CTNND2: variants seen among roughly 807,000 people sequenced by gnomAD.
CTNND2 encodes the protein catenin delta-2.
In CTNND2, 22 loss-of-function variants were observed where a neutral mutation model predicts 144.4. The observed-to-expected ratio is 0.15, with a 90% CI of 0.11 to 0.22. CTNND2 has a LOEUF of 0.22. Among genes scored for constraint, CTNND2 ranks in the 10% least tolerant of loss-of-function variants. The pLI is 1.00. For synonymous variants in CTNND2, 751 were observed against 695.6 expected (o/e 1.08, Z -1.25); for missense variants, 1,353 against 1,618.8 (o/e 0.84, Z 2.82).
At chr5:11,544,197 C>T (rs548661703) in intron 3 of CTNND2, among the ~76,000 whole-genome samples, 2 of 149,650 alleles carry the variant, frequency 1.3e-5, no homozygotes, top group Non-Finnish European at 3.0e-5. Flanking sequence ...TTTTTTGAGA[C>T]GGAGTCTCCC....
intron 1 of CTNND2, among the ~76,000 whole-genome samples, chr5:11,793,645 T>C (rs928168889): frequency 1.3e-5 from 2 of 152,124 alleles, no homozygotes; most frequent in African/African-American, 4.8e-5. Flanking sequence ...AGGCCTGGAA[T>C]AGACCCTTCC....
chr5:11,756,558 TC>T (rs1402864184), intron 1 of CTNND2, among the ~76,000 whole-genome samples: 3 of 151,620 alleles, frequency 2.0e-5, no homozygotes, highest in Non-Finnish European at 4.4e-5. Context: ...CTGCTAGTTT[TC>T]CCCTATCCAT....
chr5:11,860,588 T>C (rs1049394376), intron 1 of CTNND2, among the ~76,000 whole-genome samples: 2 of 152,240 alleles, frequency 1.3e-5, no homozygotes, highest in African/African-American at 4.8e-5. Context: ...ATGCCTTTAC[T>C]GCTTATAAAA....
chr5:11,482,866 T>G (rs1581300278), intron 3 of CTNND2, among the ~76,000 whole-genome samples: 1 of 146,602 alleles, frequency 6.8e-6, no homozygotes, highest in Admixed American at 6.8e-5. Context: ...AAGCAGGGAG[T>G]GAGGGGAGAG....
At chr5:11,586,273 G>A (rs1265697338) in intron 2 of CTNND2, among the ~76,000 whole-genome samples, 1 of 152,138 alleles carries the variant, frequency 6.6e-6, no homozygotes, top group Non-Finnish European at 1.5e-5. Context: ...CACCAGCACA[G>A]CAATTACTTT....
chr5:11,330,912 G>A (rs1191608728), intron 9 of CTNND2, among the ~76,000 whole-genome samples: 1 of 152,048 alleles, frequency 6.6e-6, no homozygotes, highest in Non-Finnish European at 1.5e-5. Flanking sequence ...TGAGTTCCTA[G>A]AGGCCCATTT....
At chr5:11,747,616 T>C (rs1304859708) in intron 1 of CTNND2, among the ~76,000 whole-genome samples, 1 of 152,170 alleles carries the variant, frequency 6.6e-6, no homozygotes, top group Non-Finnish European at 1.5e-5. Flanking sequence ...CAATCTGTCT[T>C]CCTAAATATT....
At chr5:11,543,469 T>C (rs771661806) in intron 3 of CTNND2, among the ~76,000 whole-genome samples, 37 of 152,212 alleles carry the variant, frequency 2.4e-4, no homozygotes, top group Non-Finnish European at 4.4e-4. Flanking sequence ...TGGTTTCTTG[T>C]TGTCTTGTTT....
intron 2 of CTNND2, among the ~76,000 whole-genome samples, chr5:11,656,243 A>G (rs1782906628): frequency 6.6e-6 from 1 of 152,048 alleles, no homozygotes; most frequent in South Asian, 2.1e-4. Context: ...AATACAATCA[A>G]TAAGTGGTTT....
At chr5:11,480,623 T>C (rs1455055612) in intron 3 of CTNND2, among the ~76,000 whole-genome samples, 2 of 148,344 alleles carry the variant, frequency 1.3e-5, no homozygotes, top group African/African-American at 5.1e-5. Flanking sequence ...AACATGCTTG[T>C]TCTATGATTT....
At chr5:11,638,577 G>A (rs187724500) in intron 2 of CTNND2, among the ~76,000 whole-genome samples, 3 of 152,138 alleles carry the variant, frequency 2.0e-5, no homozygotes, top group Non-Finnish European at 2.9e-5. Context: ...TAACTGTACA[G>A]AACCATGGAC....
At chr5:11,737,861 A>T (rs1219847842) in intron 1 of CTNND2, among the ~76,000 whole-genome samples, 1 of 152,228 alleles carries the variant, frequency 6.6e-6, no homozygotes, top group Non-Finnish European at 1.5e-5. Context: ...ACAATGAGAA[A>T]GTACTGTTGA....
chr5:11,104,441 C>T (rs2149675308), intron 14 of CTNND2, among the ~76,000 whole-genome samples: 1 of 152,240 alleles, frequency 6.6e-6, no homozygotes, highest in East Asian at 1.9e-4. Context: ...TAAAAAGCAA[C>T]AATAAAAACC....
At chr5:11,749,994 G>C (rs1788524392) in intron 1 of CTNND2, among the ~76,000 whole-genome samples, 1 of 151,910 alleles carries the variant, frequency 6.6e-6, no homozygotes, top group African/African-American at 2.4e-5. Context: ...GTTTTTGCAG[G>C]ATCCTCTGGG....
At chr5:11,438,265 C>T (rs1189616082) in intron 3 of CTNND2, among the ~76,000 whole-genome samples, 2 of 152,176 alleles carry the variant, frequency 1.3e-5, no homozygotes, top group East Asian at 1.9e-4. Context: ...TTCTTTTGTT[C>T]ATTCATTCAA....
chr5:11,876,248 T>G (rs1310734441), intron 1 of CTNND2, among the ~76,000 whole-genome samples: 216 of 98,456 alleles, frequency 2.2e-3, no homozygotes, highest in Middle Eastern at 5.1e-3. Flanking sequence ...AGGGAGGAGG[T>G]GGGAGGCAGG....
intron 2 of CTNND2, among the ~76,000 whole-genome samples, chr5:11,568,529 G>A (rs1357620776): frequency 6.6e-6 from 1 of 152,158 alleles, no homozygotes; most frequent in African/African-American, 2.4e-5. Context: ...CTTGTGAATG[G>A]AAACAAGAAG....
At chr5:11,630,540 T>C (rs181958035) in intron 2 of CTNND2, among the ~76,000 whole-genome samples, 17 of 152,368 alleles carry the variant, frequency 1.1e-4, no homozygotes, top group Admixed American at 1.0e-3. Flanking sequence ...AGAAGAATTC[T>C]ACTTTGGTTT....
At chr5:11,698,293 T>A (rs554674529) in intron 2 of CTNND2, among the ~76,000 whole-genome samples, 4,032 of 150,842 alleles carry the variant, frequency 0.027, 185 homozygotes, top group African/African-American at 0.091. Context: ...TTATTATTTT[T>A]TTTTTTTTTT....
Sources: gnomAD v4.1 joint callset for allele counts (sites outside exome capture counted in the v4.1 genomes callset) on GRCh38, gnomAD v4.1.1 for gene constraint, MANE v1.5 for transcripts, NCBI Gene and HGNC (gene_info 2026-07-23, HGNC 2026-07-21) for gene names.